RPL26L1: variants seen among roughly 807,000 people sequenced by gnomAD.
RPL26L1 encodes ribosomal protein uL24-like.
Under a neutral mutation model 15.2 loss-of-function variants are expected in RPL26L1, and 8 were observed. The ratio of observed to expected loss-of-function variants is 0.53; its 90% CI spans 0.31 to 0.95. The LOEUF is 0.95. Among genes scored for constraint, RPL26L1 ranks in the 40% least tolerant of loss-of-function variants. The pLI, the probability that RPL26L1 is intolerant of heterozygous loss-of-function variation, is 0.05. For missense variants in RPL26L1, 146 were observed against 190.9 expected, an observed-to-expected ratio of 0.76 and a Z score of 1.39; for synonymous variants, 51 against 65.9, an observed-to-expected ratio of 0.77 and a Z score of 1.09.
Position 172,969,517 on chromosome 5 carries a change from A to G in RPL26L1, c.414A>G (p.Glu138=). ...AAGAGAAAGGCAAATATAAAGAAGA[A>G]CTTATTGAGAAAATGCAGGAATAAA... is the stretch of plus-strand genomic sequence containing the variant. ...VGKEKGKYKE[E]LIEKMQE The change falls in exon 4 of 4, where the codon GAA becomes GAG. Residue 138 remains glutamate (E), a synonymous_variant. Transcript: ENST00000265100. 6.2e-7 allele frequency: 1 copy of G among 1,613,272 alleles called. No homozygotes were observed. The highest frequency in any genetic ancestry group is 1.1e-5 in the South Asian group (1 of 91,046).
At chr5:172,955,141 T>G (rs1018845485), upstream of RPL26L1, 27 of 371,296 alleles carry the variant, frequency 7.3e-5, no homozygotes, top group East Asian at 1.6e-3. Context: ...TTTTTTTTTT[T>G]TTTTTTTTTT....
chr5:172,966,742 G>A (rs994003302), intron 2 of RPL26L1, among the ~76,000 whole-genome samples: 5 of 152,038 alleles, frequency 3.3e-5, no homozygotes, highest in Non-Finnish European at 5.9e-5. Flanking sequence ...CCTAAAAATC[G>A]CCTTGGAAAA....
chr5:172,962,212 A>G (rs1265709079), intron 2 of RPL26L1, among the ~76,000 whole-genome samples: 1 of 152,210 alleles, frequency 6.6e-6, no homozygotes. Flanking sequence ...GGTCCTATTT[A>G]AAACCTTTGG....
chr5:172,966,045 G>A (rs983646561), intron 2 of RPL26L1, among the ~76,000 whole-genome samples: 1 of 152,128 alleles, frequency 6.6e-6, no homozygotes, highest in Non-Finnish European at 1.5e-5. Flanking sequence ...CTCCAGTCTA[G>A]TCGACCAGCC....
At chr5:172,959,829 G>A in intron 1 of RPL26L1, 36 bp from the exon 2 acceptor site, 3 of 1,607,184 alleles carry the variant, frequency 1.9e-6, no homozygotes, top group Non-Finnish European at 1.7e-6. Context: ...AACCCACTGA[G>A]CGCCCCTTCA....
At chr5:172,954,481 G>A (rs1447403639), upstream of RPL26L1, among the ~76,000 whole-genome samples, 2 of 151,244 alleles carry the variant, frequency 1.3e-5, no homozygotes, top group South Asian at 2.1e-4. Flanking sequence ...GGGCAGGGGC[G>A]GCGGGGGGGA....
At chr5:172,968,713 G>A in intron 3 of RPL26L1, 114 bp downstream of exon 3, 1 of 1,009,198 alleles carries the variant, frequency 9.9e-7, no homozygotes, top group Admixed American at 2.1e-5. Flanking sequence ...AGGTGGACTT[G>A]ATTGATTCAG....
Position 172,969,673 on chromosome 5 carries a change from G to C in RPL26L1, c.*132G>C. The C allele has an allele frequency of 1.2e-6, 1 of 825,608 alleles. No individual in the cohort carries two copies. The highest frequency in any genetic ancestry group is 2.2e-5 in the South Asian group (1 of 45,074). 51.1% of individuals were successfully genotyped at this position (825,608 alleles called of 1,614,324 possible). ...CCTGTGCCTCTGTAAATCTACTTTT[G>C]CAATTTTAAGTAATAATTTTATGAA... On this transcript the variant is annotated 3_prime_UTR_variant, in exon 4 of 4. Coordinates refer to ENST00000265100, the MANE Select transcript of RPL26L1 (RefSeq NM_016093.4).
Position 172,968,543 on chromosome 5 carries a change from G to T in RPL26L1, c.253G>T (p.Val85Leu). 6.2e-7 allele frequency: 1 copy of T among 1,614,134 alleles called. No homozygotes were observed. The highest frequency in any genetic ancestry group is 8.5e-7 in the Non-Finnish European group (1 of 1,180,012). ...RKKYVIYIER[V>L]QREKANGTTV... is the part of the protein sequence containing the mutation. Reference sequence around the variant, plus strand: ...GAAATATGTCATCTACATCGAGCGGGTGCAGCGTGAGAAGGCCAACGGCAC... The same window carrying T: ...GAAATATGTCATCTACATCGAGCGGTTGCAGCGTGAGAAGGCCAACGGCAC... The change falls in exon 3 of 4, where the codon GTG (valine) becomes TTG (leucine). Residue 85 changes from valine (V) to leucine (L), a missense_variant. Physicochemically the swap from Val to Leu is conservative, Grantham distance 32. Coordinates refer to ENST00000265100, the MANE Select transcript of RPL26L1 (RefSeq NM_016093.4).
chr5:172,969,367 C>G, intron 3 of RPL26L1, 46 bp from the exon 4 acceptor site: 1 of 1,598,876 alleles, frequency 6.3e-7, no homozygotes, highest in Non-Finnish European at 8.5e-7. Flanking sequence ...TGCTCAATAG[C>G]TGGTGGGGAT....
At chr5:172,967,761 C>T (rs1755511212) in intron 2 of RPL26L1, among the ~76,000 whole-genome samples, 1 of 117,178 alleles carries the variant, frequency 8.5e-6, no homozygotes, top group South Asian at 3.0e-4. Context: ...TGTATATATA[C>T]ATATATACAC....
Position 172,968,557 on chromosome 5 carries a change from G to A in RPL26L1, c.267G>A (p.Lys89=), listed in dbSNP as rs1170392082. 1 of 1,613,976 alleles carries A rather than the reference G, an allele frequency of 6.2e-7. No homozygotes were observed. The highest frequency in any genetic ancestry group is 8.5e-7 in the Non-Finnish European group (1 of 1,180,008). Residue 89 remains lysine, a synonymous_variant, in exon 3 of 4, where the codon AAG becomes AAA. Transcript: ENST00000265100. The part of the protein sequence containing the change: ...VIYIERVQRE[K]ANGTTVHVGI... The stretch of plus-strand genomic sequence containing the variant: ...ACATCGAGCGGGTGCAGCGTGAGAA[G>A]GCCAACGGCACAACTGTCCACGTGG...
chr5:172,964,281 C>CCTTTTTTTTTTTTTT lies in RPL26L1; in HGVS notation c.169-4178_169-4177insCTTTTTTTTTTTTTT, dbSNP rs1402885653. On this transcript the variant is annotated intron_variant, in intron 2 of 3. Transcript: ENST00000265100. ...TGAGCCACAGTGTCTGGCCTGTTGC[C>CCTTTTTTTTTTTTTT]TTTTTTTTTTTTTTTTTTTTTGAGA... Among the ~76,000 whole-genome samples, 552 of 99,220 alleles carry CCTTTTTTTTTTTTTT rather than the reference C, an allele frequency of 5.6e-3. 110 individuals carry two copies. The highest frequency in any genetic ancestry group is 0.013 in the African/African-American group (348 of 27,676). 65.1% of individuals were successfully genotyped at this position (99,220 alleles called of 152,430 possible).
chr5:172,957,322 AAAAAC>A (rs982118592), upstream of RPL26L1: 3 of 454,962 alleles, frequency 6.6e-6, no homozygotes, highest in Admixed American at 2.4e-5. Context: ...ACAGCATGTT[AAAAAC>A]AAAACAAAAC....
At chr5:172,966,599 T>TA (rs963873379) in intron 2 of RPL26L1, among the ~76,000 whole-genome samples, 3 of 149,934 alleles carry the variant, frequency 2.0e-5, no homozygotes, top group African/African-American at 7.3e-5. Context: ...CCCTGTCTCT[T>TA]AAAAAAAGTG....
chr5:172,958,497 A>T (rs989608455), upstream of RPL26L1: 1 of 454,544 alleles, frequency 2.2e-6, no homozygotes, highest in Non-Finnish European at 4.4e-6. Flanking sequence ...TGGAGTTAAT[A>T]ACACCTTGCA....
chr5:172,959,337 C>A, upstream of RPL26L1: 1 of 1,002,510 alleles, frequency 1.0e-6, no homozygotes, highest in Non-Finnish European at 1.2e-6. Context: ...TGAGATCCCA[C>A]CCCAAGCCGC....
In RPL26L1 at chr5:172,969,639, G is replaced by A. The variant is rs987902905; in HGVS notation, c.*98G>A. ...GAATGTCTGGAACATTTCATTTCCT[G>A]TTTTGTTACCTGTGCCTCTGTAAAT... On this transcript the variant is annotated 3_prime_UTR_variant, in exon 4 of 4. Coordinates refer to ENST00000265100, the MANE Select transcript of RPL26L1 (RefSeq NM_016093.4). 116 of 1,261,436 alleles carry A rather than the reference G, an allele frequency of 9.2e-5. No homozygotes were observed. Among genetic ancestry groups the A allele is most frequent in the Non-Finnish European group, 1.2e-4 (114 of 922,020 alleles). 78.1% of individuals were successfully genotyped at this position (1,261,436 alleles called of 1,614,324 possible).
upstream of RPL26L1, chr5:172,956,987 T>C (rs538539010): frequency 5.8e-6 from 2 of 347,040 alleles, no homozygotes; most frequent in South Asian, 4.4e-5. Context: ...AGTACTATCA[T>C]TATTCCCATT....
Sources: allele counts gnomAD v4.1 joint callset (sites outside exome capture counted in the v4.1 genomes callset), GRCh38; gene constraint gnomAD v4.1.1; transcripts MANE v1.5; gene names NCBI Gene and HGNC (gene_info 2026-07-23, HGNC 2026-07-21).